ATP2B4: variants seen among roughly 807,000 people sequenced by gnomAD.
ATP2B4 encodes plasma membrane calcium-transporting ATPase 4.
ATP2B4 carries 39 observed loss-of-function variants against 110.3 expected under a neutral mutation model. The observed-to-expected ratio is 0.35, with a 90% CI of 0.27 to 0.46. The LOEUF (loss-of-function observed/expected upper bound fraction) is 0.46. Ranked by LOEUF, ATP2B4 falls within the 20% of genes least tolerant of loss-of-function variation. The pLI is 1.00. For synonymous variants in ATP2B4, 538 were observed against 571.7 expected (o/e 0.94, Z 0.84); for missense variants, 1,135 against 1,530.9 (o/e 0.74, Z 4.32).
intron 6 of ATP2B4, 110 bp from the exon 7 acceptor site, chr1:203,701,934 C>T: frequency 1.8e-6 from 2 of 1,120,998 alleles, no homozygotes; most frequent in Non-Finnish European, 2.6e-6. Flanking sequence ...TTCCCTGCAA[C>T]CCAAACACTT....
chr1:203,684,138 T>A (rs1329694089), intron 2 of ATP2B4, among the ~76,000 whole-genome samples: 2 of 152,224 alleles, frequency 1.3e-5, no homozygotes, highest in Non-Finnish European at 2.9e-5. Flanking sequence ...TCTTACAGTT[T>A]AATGAATGGA....
rs60841821 is a variant in ATP2B4 at position 203,719,225 on chromosome 1, G to GAAAAAAAA, written c.2407-1311_2407-1304dup. On this transcript the variant is annotated intron_variant, in intron 15 of 20. Coordinates refer to ENST00000357681, the MANE Select transcript of ATP2B4 (RefSeq NM_001684.5). Reference sequence around the variant, plus strand: ...AGATGACAGAGCAAGACCCTGTCTCGAAAAAAAAAAAAAAAAAAAAGCAAG... The same window carrying GAAAAAAAA: ...AGATGACAGAGCAAGACCCTGTCTCGAAAAAAAAAAAAAAAAAAAAAAAAAAAAGCAAG... Among the ~76,000 whole-genome samples, 113 of 54,384 alleles carry GAAAAAAAA rather than the reference G, an allele frequency of 2.1e-3. 5 individuals carry two copies. The highest frequency in any genetic ancestry group is 8.4e-3 in the African/African-American group (112 of 13,290). The allele number at this position is 54,384 out of a possible 152,430, so 35.7% of individuals were successfully genotyped here.
At chr1:203,664,519 A>AT (rs1304492565) in intron 1 of ATP2B4, among the ~76,000 whole-genome samples, 1 of 152,160 alleles carries the variant, frequency 6.6e-6, no homozygotes, top group Non-Finnish European at 1.5e-5. Flanking sequence ...TTTGATCCCC[A>AT]TTTTTTTAGA....
intron 2 of ATP2B4, among the ~76,000 whole-genome samples, chr1:203,684,848 GT>G (rs961706729): frequency 1.3e-5 from 2 of 151,736 alleles, no homozygotes; most frequent in Non-Finnish European, 2.9e-5. Context: ...TGTTTGTTTT[GT>G]TTTTTGTTTT....
intron 1 of ATP2B4, chr1:203,657,813 C>G (rs1664208808): frequency 5.6e-6 from 3 of 539,026 alleles, no homozygotes; most frequent in Non-Finnish European, 9.9e-6. Context: ...AAAACACTCT[C>G]AATTTTAAGG....
chr1:203,637,499 GC>G (rs1330082305), intron 1 of ATP2B4, among the ~76,000 whole-genome samples: 1 of 151,110 alleles, frequency 6.6e-6, no homozygotes, highest in African/African-American at 2.4e-5. Flanking sequence ...ATTTCATGTA[GC>G]TCACCTAACA....
At chr1:203,732,109 G>A (rs1395263809) in intron 20 of ATP2B4, among the ~76,000 whole-genome samples, 4 of 150,172 alleles carry the variant, frequency 2.7e-5, no homozygotes, top group Admixed American at 6.6e-5. Context: ...CCCGGGAGGC[G>A]GAGCTTGCAG....
intron 20 of ATP2B4, among the ~76,000 whole-genome samples, chr1:203,738,004 G>A (rs1009735559): frequency 6.6e-6 from 1 of 152,130 alleles, no homozygotes; most frequent in African/African-American, 2.4e-5. Context: ...TTATTTGGCT[G>A]ACTCTCTGTA....
intron 1 of ATP2B4, among the ~76,000 whole-genome samples, chr1:203,638,491 AG>A (rs1453045080): frequency 6.6e-6 from 1 of 152,214 alleles, no homozygotes; most frequent in African/African-American, 2.4e-5. Context: ...GACCTTGTAC[AG>A]GGGAGGACGG....
intron 1 of ATP2B4, among the ~76,000 whole-genome samples, chr1:203,663,694 T>C (rs917490328): frequency 4.0e-5 from 6 of 151,762 alleles, no homozygotes; most frequent in African/African-American, 1.2e-4. Context: ...AGCTTCAAAC[T>C]CCTGGGCTCA....
At chr1:203,714,114 G>T (rs966621676) in intron 14 of ATP2B4, 57 bp from the exon 15 acceptor site, 1 of 1,485,736 alleles carries the variant, frequency 6.7e-7, no homozygotes, top group African/African-American at 1.4e-5. Flanking sequence ...CGGGTGGTAG[G>T]AACTGAAGGG....
At chr1:203,699,176 C>T (rs770761870) in intron 3 of ATP2B4, among the ~76,000 whole-genome samples, 1 of 152,178 alleles carries the variant, frequency 6.6e-6, no homozygotes, top group Non-Finnish European at 1.5e-5. Context: ...AAAGCCTGAC[C>T]ATGTTGGGAA....
chr1:203,709,198 A>T, intron 10 of ATP2B4, 103 bp from the exon 11 acceptor site: 1 of 1,431,556 alleles, frequency 7.0e-7, no homozygotes, highest in Non-Finnish European at 9.6e-7. Flanking sequence ...TATGAGCTCC[A>T]GGTATATAAT....
intron 1 of ATP2B4, among the ~76,000 whole-genome samples, chr1:203,648,498 C>T (rs892316778): frequency 1.1e-4 from 16 of 152,154 alleles, no homozygotes; most frequent in African/African-American, 3.4e-4. Context: ...TTTGGAATGA[C>T]AGCCCGAGGT....
intron 1 of ATP2B4, among the ~76,000 whole-genome samples, chr1:203,659,150 A>G (rs1440082978): frequency 1.3e-5 from 2 of 152,218 alleles, no homozygotes; most frequent in Admixed American, 6.5e-5. Flanking sequence ...ACTTGGTATA[A>G]TATAACTTCC....
intron 19 of ATP2B4, 95 bp downstream of exon 19, chr1:203,724,083 G>T: frequency 9.9e-7 from 1 of 1,014,762 alleles, no homozygotes; most frequent in Non-Finnish European, 1.4e-6. Flanking sequence ...AGACCCCCCA[G>T]CTCCTCATCT....
intron 10 of ATP2B4, among the ~76,000 whole-genome samples, chr1:203,708,823 C>T (rs1665922257): frequency 6.6e-6 from 1 of 152,076 alleles, no homozygotes; most frequent in South Asian, 2.1e-4. Flanking sequence ...CCACTGCAGT[C>T]AAGCCTGGGC....
intron 1 of ATP2B4, among the ~76,000 whole-genome samples, chr1:203,674,976 T>C (rs1184483929): frequency 2.0e-5 from 3 of 152,200 alleles, no homozygotes; most frequent in African/African-American, 7.2e-5. Flanking sequence ...CCCAAAGTGC[T>C]GGGATTACAG....
intron 1 of ATP2B4, among the ~76,000 whole-genome samples, chr1:203,651,217 AT>A (rs200090901): frequency 6.6e-6 from 1 of 151,770 alleles, no homozygotes; most frequent in African/African-American, 2.4e-5. Flanking sequence ...AATAGGAACC[AT>A]TTTTTTTCTT....
Sources: allele counts gnomAD v4.1 joint callset (sites outside exome capture counted in the v4.1 genomes callset), GRCh38; gene constraint gnomAD v4.1.1; transcripts MANE v1.5; gene names NCBI Gene and HGNC (gene_info 2026-07-23, HGNC 2026-07-21).